The following PCDH9 variants were observed in gnomAD, a reference collection of about 807,000 sequenced individuals.
The protein encoded by PCDH9 is protocadherin-9.
Under a neutral mutation model 70.6 loss-of-function variants are expected in PCDH9, and 24 were observed. That is an observed-to-expected ratio of 0.34 (90% CI 0.25 to 0.48). PCDH9 has a LOEUF of 0.48. Among genes scored for constraint, PCDH9 ranks in the 20% least tolerant of loss-of-function variants. PCDH9 has a pLI of 0.99. For missense variants in PCDH9, 1,281 were observed against 1,503.6 expected (o/e 0.85, Z 2.45); for synonymous variants, 562 against 558.5 (o/e 1.01, Z -0.09).
intron 2 of PCDH9, among the ~76,000 whole-genome samples, chr13:67,085,405 A>G (rs1042737880): frequency 6.6e-6 from 1 of 152,136 alleles, no homozygotes. Flanking sequence ...ACTATGTGCC[A>G]TTTTCTAATG....
intron 2 of PCDH9, among the ~76,000 whole-genome samples, chr13:67,181,606 C>T (rs1352171865): frequency 1.3e-5 from 2 of 152,082 alleles, no homozygotes; most frequent in African/African-American, 2.4e-5. Flanking sequence ...TGCACATATC[C>T]TAAACAGGGA....
At chr13:67,154,362 T>A (rs953177298) in intron 2 of PCDH9, among the ~76,000 whole-genome samples, 6 of 152,008 alleles carry the variant, frequency 3.9e-5, no homozygotes, top group Non-Finnish European at 8.8e-5. Context: ...GGTGGGTGGA[T>A]CACCTTAGGT....
At chr13:66,698,637 GGT>G (rs760037205) in intron 3 of PCDH9, among the ~76,000 whole-genome samples, 8 of 152,062 alleles carry the variant, frequency 5.3e-5, no homozygotes, top group Non-Finnish European at 8.8e-5. Flanking sequence ...GGAGTGCAGT[GGT>G]GTGATCATAG....
At chr13:66,644,108 C>T (rs1292301567) in intron 3 of PCDH9, among the ~76,000 whole-genome samples, 2 of 151,834 alleles carry the variant, frequency 1.3e-5, no homozygotes, top group African/African-American at 4.8e-5. Flanking sequence ...GAACAAATTG[C>T]TAGCCTGAAA....
intron 2 of PCDH9, among the ~76,000 whole-genome samples, chr13:67,092,481 A>T (rs2086237308): frequency 6.6e-6 from 1 of 152,172 alleles, no homozygotes; most frequent in Non-Finnish European, 1.5e-5. Flanking sequence ...AGCTATTAGA[A>T]TTCAGGCAAA....
intron 4 of PCDH9, among the ~76,000 whole-genome samples, chr13:66,350,850 T>C (rs1593842959): frequency 2.0e-5 from 3 of 152,350 alleles, no homozygotes; most frequent in South Asian, 2.1e-4. Flanking sequence ...AATTCTTCTA[T>C]AGCTTCCATC....
chr13:66,648,235 T>G, intron 3 of PCDH9, among the ~76,000 whole-genome samples: 1 of 152,222 alleles, frequency 6.6e-6, no homozygotes, highest in East Asian at 1.9e-4. Flanking sequence ...CAGTGGTTAC[T>G]GCAGGCTGGG....
chr13:66,967,228 A>G (rs1342976143), intron 2 of PCDH9, among the ~76,000 whole-genome samples: 1 of 152,194 alleles, frequency 6.6e-6, no homozygotes, highest in Non-Finnish European at 1.5e-5. Context: ...GAAATAGTTC[A>G]TTTAGTCTTA....
At chr13:66,889,896 A>T (rs2082067658) in intron 3 of PCDH9, among the ~76,000 whole-genome samples, 1 of 152,162 alleles carries the variant, frequency 6.6e-6, no homozygotes, top group South Asian at 2.1e-4. Flanking sequence ...CTGTGAAGCC[A>T]TGGGGATGAT....
At chr13:66,428,573 C>T (rs747571843) in intron 4 of PCDH9, among the ~76,000 whole-genome samples, 1 of 151,756 alleles carries the variant, frequency 6.6e-6, no homozygotes, top group Admixed American at 6.6e-5. Flanking sequence ...AAGCAAGTTA[C>T]TTAATCCTTT....
At chr13:66,563,628 T>C (rs890011536) in intron 4 of PCDH9, among the ~76,000 whole-genome samples, 1 of 152,184 alleles carries the variant, frequency 6.6e-6, no homozygotes, top group Non-Finnish European at 1.5e-5. Context: ...TGTCACATAT[T>C]GTGCCCCACT....
At chr13:66,477,400 GT>G (rs1203196860) in intron 4 of PCDH9, among the ~76,000 whole-genome samples, 1 of 152,126 alleles carries the variant, frequency 6.6e-6, no homozygotes, top group African/African-American at 2.4e-5. Flanking sequence ...AAATCTCATT[GT>G]AGGCTATGAT....
chr13:67,110,550 A>G (rs1051667236), intron 2 of PCDH9, among the ~76,000 whole-genome samples: 14 of 152,078 alleles, frequency 9.2e-5, no homozygotes, highest in African/African-American at 3.4e-4. Context: ...CATTACAGAA[A>G]AGACACAACT....
chr13:66,736,237 G>C (rs971672818), intron 3 of PCDH9, among the ~76,000 whole-genome samples: 5 of 152,204 alleles, frequency 3.3e-5, no homozygotes, highest in Admixed American at 6.5e-5. Flanking sequence ...CCATAGCTCA[G>C]CTGTGACTAT....
intron 2 of PCDH9, among the ~76,000 whole-genome samples, chr13:67,147,066 T>C (rs1179919900): frequency 6.6e-6 from 1 of 152,156 alleles, no homozygotes; most frequent in Non-Finnish European, 1.5e-5. Context: ...GTAGGAAAGA[T>C]GCTCTAATGG....
chr13:66,389,641 G>T (rs1413651780), intron 4 of PCDH9, among the ~76,000 whole-genome samples: 2 of 152,166 alleles, frequency 1.3e-5, no homozygotes, highest in African/African-American at 2.4e-5. Flanking sequence ...GTTTATGTCT[G>T]CTCTCAGCTG....
At chr13:66,430,598 C>T (rs1369404404) in intron 4 of PCDH9, among the ~76,000 whole-genome samples, 3 of 152,074 alleles carry the variant, frequency 2.0e-5, no homozygotes, top group Non-Finnish European at 2.9e-5. Context: ...GGGATGCCCA[C>T]ATGGTGAGAG....
intron 3 of PCDH9, among the ~76,000 whole-genome samples, chr13:66,683,937 C>T (rs1361967498): frequency 6.6e-6 from 1 of 152,120 alleles, no homozygotes; most frequent in Non-Finnish European, 1.5e-5. Context: ...TGTAAAATGA[C>T]ATCAATATTG....
intron 4 of PCDH9, among the ~76,000 whole-genome samples, chr13:66,472,768 A>AT (rs1428460144): frequency 6.6e-6 from 1 of 152,100 alleles, no homozygotes; most frequent in Admixed American, 6.5e-5. Context: ...GCCTGTCTTT[A>AT]TTTTAGAATC....
Sources: gnomAD v4.1 joint callset for allele counts (sites outside exome capture counted in the v4.1 genomes callset) on GRCh38, gnomAD v4.1.1 for gene constraint, MANE v1.5 for transcripts, NCBI Gene and HGNC (gene_info 2026-07-23, HGNC 2026-07-21) for gene names.